The following TENM2 variants were observed in gnomAD, a reference collection of about 807,000 sequenced individuals.
TENM2 encodes teneurin transmembrane protein 2.
A neutral mutation model predicts 245.2 loss-of-function variants in TENM2; 52 were observed. That is an observed-to-expected ratio of 0.21 (90% CI 0.17 to 0.27). The LOEUF (loss-of-function observed/expected upper bound fraction) is 0.27, where lower values mean the gene tolerates loss of function less well. Ranked by LOEUF, TENM2 falls within the 10% of genes least tolerant of loss-of-function variation. The pLI is 1.00. For missense variants in TENM2, 3,046 were observed against 3,666.8 expected (o/e 0.83, Z 4.37); for synonymous variants, 1,363 against 1,438.9 (o/e 0.95, Z 1.19).
At position 167,932,787 on chromosome 5, in the gene TENM2, A is replaced by T. The variant is rs201166113; in HGVS notation, c.713-19801A>T. On this transcript the variant is annotated intron_variant, in intron 3 of 28. Transcript: ENST00000518659. ...ATTCTTCTTTTTCACAATCCTTCAAAAATGTATAAAACATTCTTAGCTCGG... is the reference window on the plus strand; with the variant it reads ...ATTCTTCTTTTTCACAATCCTTCAATAATGTATAAAACATTCTTAGCTCGG... 1.8e-4 allele frequency among the ~76,000 whole-genome samples: 27 copies of T among 152,232 alleles called. No homozygotes were observed. In the East Asian group the frequency reaches 5.0e-3, roughly 28 times the overall value.
the TENM2 span, among the ~76,000 whole-genome samples, chr5:167,074,318 G>A: frequency 8.5e-4 from 130 of 152,136 alleles, 1 homozygote; most frequent in African/African-American, 3.0e-3. Context: ...TTGATTTCTA[G>A]CTGAAGTTTT....
chr5:167,587,110 T>C (rs961399358), intron 2 of TENM2, among the ~76,000 whole-genome samples: 23 of 152,148 alleles, frequency 1.5e-4, no homozygotes, highest in African/African-American at 5.3e-4. Flanking sequence ...GCAGTGAATA[T>C]AATGGGGAAG....
chr5:167,062,863 TAGA>T, the TENM2 span, among the ~76,000 whole-genome samples: 1 of 152,126 alleles, frequency 6.6e-6, no homozygotes, highest in South Asian at 2.1e-4. Context: ...TCGAAGGAGC[TAGA>T]AGGAGAGAGA....
rs1755724195 is a variant in TENM2 at position 167,668,583 on chromosome 5, A to AT, written c.503-207399dup. On this transcript the variant is annotated intron_variant, in intron 2 of 28. Coordinates refer to ENST00000518659, the Ensembl canonical transcript of TENM2. ...AGATACCAGTGCAGCATAAGGTTTA[A>AT]TTTTCCTTTTTGCTTTTAAATGATT... Among the ~76,000 whole-genome samples the AT allele has an allele frequency of 3.9e-5, 6 of 152,228 alleles. 1 individual carries two copies. In the South Asian group the frequency reaches 1.2e-3, roughly 32 times the overall value.
chr5:167,579,901 G>C (rs1774971008), intron 2 of TENM2, among the ~76,000 whole-genome samples: 1 of 152,118 alleles, frequency 6.6e-6, no homozygotes, highest in Admixed American at 6.5e-5. Flanking sequence ...ATATCCTGCA[G>C]GTTTAATATA....
At chr5:167,425,109 A>G (rs1471680046) in intron 2 of TENM2, among the ~76,000 whole-genome samples, 5 of 152,220 alleles carry the variant, frequency 3.3e-5, no homozygotes, top group African/African-American at 1.2e-4. Context: ...TTGCAGTTTG[A>G]AAAATTTATT....
chr5:167,244,376 G>A, the TENM2 span, among the ~76,000 whole-genome samples: 1 of 152,088 alleles, frequency 6.6e-6, no homozygotes, highest in Admixed American at 6.6e-5. Context: ...CCACACAGTG[G>A]AATATTAATT....
At chr5:168,091,019 A>T (rs1454332050) in intron 8 of TENM2, among the ~76,000 whole-genome samples, 1 of 152,212 alleles carries the variant, frequency 6.6e-6, no homozygotes, top group Admixed American at 6.5e-5. Context: ...GCCTGGGTTG[A>T]GTCCTGACCA....
chr5:167,234,372 G>A, the TENM2 span, among the ~76,000 whole-genome samples: 2 of 152,142 alleles, frequency 1.3e-5, no homozygotes, highest in African/African-American at 4.8e-5. Context: ...TGAAGAATGT[G>A]TCCTTGAGGC....
intron 5 of TENM2, among the ~76,000 whole-genome samples, chr5:168,043,240 T>C (rs77758615): frequency 1.4e-5 from 2 of 142,238 alleles, no homozygotes; most frequent in African/African-American, 5.2e-5. Flanking sequence ...CTCAGCTTTC[T>C]TTTTTTTTTT....
intron 2 of TENM2, among the ~76,000 whole-genome samples, chr5:167,708,129 C>T (rs1367460799): frequency 6.6e-6 from 1 of 151,864 alleles, no homozygotes; most frequent in Non-Finnish European, 1.5e-5. Flanking sequence ...GTAGAAGCTG[C>T]CTAAGATGTT....
chr5:168,262,429 C>T (rs767790157), exon 29 of TENM2: 13 of 1,577,894 alleles, frequency 8.2e-6, no homozygotes, highest in South Asian at 8.2e-5. Context: ...GCGGGGTGAA[C>T]GTGACCGTGT....
intron 3 of TENM2, among the ~76,000 whole-genome samples, chr5:167,902,811 A>G (rs1775812653): frequency 6.6e-6 from 1 of 152,198 alleles, no homozygotes; most frequent in Non-Finnish European, 1.5e-5. Flanking sequence ...CACTTTATAT[A>G]AAAGGAGCAG....
At chr5:167,918,581 A>T (rs1777121443) in intron 3 of TENM2, among the ~76,000 whole-genome samples, 1 of 152,178 alleles carries the variant, frequency 6.6e-6, no homozygotes, top group South Asian at 2.1e-4. Flanking sequence ...GAATTCTCAG[A>T]TCTTGACTTA....
chr5:167,004,935 G>A, the TENM2 span, among the ~76,000 whole-genome samples: 2 of 152,176 alleles, frequency 1.3e-5, no homozygotes, highest in South Asian at 4.1e-4. Flanking sequence ...CCTTTGAACT[G>A]ACTTTACTTT....
intron 4 of TENM2, among the ~76,000 whole-genome samples, chr5:167,963,661 G>C (rs115268034): frequency 6.6e-6 from 1 of 152,176 alleles, no homozygotes; most frequent in Non-Finnish European, 1.5e-5. Flanking sequence ...AATGCAAAGC[G>C]TGTCTCTTTA....
At chr5:167,239,245 G>A in the TENM2 span, among the ~76,000 whole-genome samples, 1 of 152,276 alleles carries the variant, frequency 6.6e-6, no homozygotes, top group Middle Eastern at 3.4e-3. Context: ...GGACTGTGTT[G>A]ATTTGACCTT....
chr5:167,058,680 G>GT, the TENM2 span, among the ~76,000 whole-genome samples: 3 of 152,128 alleles, frequency 2.0e-5, no homozygotes, highest in Non-Finnish European at 2.9e-5. Context: ...GAGCCCAGGA[G>GT]TTCAAGGCTT....
chr5:167,892,828 T>G (rs1317146635), intron 3 of TENM2, among the ~76,000 whole-genome samples: 1 of 152,200 alleles, frequency 6.6e-6, no homozygotes, highest in South Asian at 2.1e-4. Flanking sequence ...TTTCACCATT[T>G]ATAACACAGA....
Sources: gnomAD v4.1 joint callset for allele counts (sites outside exome capture counted in the v4.1 genomes callset) on GRCh38, gnomAD v4.1.1 for gene constraint, MANE v1.5 for transcripts, NCBI Gene and HGNC (gene_info 2026-07-23, HGNC 2026-07-21) for gene names.